The following ANO6 variants were observed in gnomAD, a reference collection of about 807,000 sequenced individuals.
The protein encoded by ANO6 is anoctamin 6, also known as anoctamin-6.
In ANO6, 106 loss-of-function variants were observed where a neutral mutation model predicts 117.5. The observed-to-expected ratio is 0.90, with a 90% CI of 0.77 to 1.06. The LOEUF is 1.06. Ranked by LOEUF, ANO6 falls within the 50% of genes least tolerant of loss-of-function variation. ANO6 has a pLI of 0.00. For missense variants in ANO6, 955 were observed against 1,121.1 expected (o/e 0.85, Z 2.12); for synonymous variants, 367 against 385.1 (o/e 0.95, Z 0.55).
chr12:45,256,552 T>A (rs1026827235), intron 1 of ANO6: 6 of 152,182 alleles, frequency 3.9e-5, no homozygotes, highest in African/African-American at 1.4e-4. Flanking sequence ...AAACTTCATA[T>A]GCAAATTTAA....
At chr12:45,230,515 A>G (rs1947558919) in intron 1 of ANO6, among the ~76,000 whole-genome samples, 2 of 151,024 alleles carry the variant, frequency 1.3e-5, no homozygotes, top group African/African-American at 4.8e-5. Flanking sequence ...GGTTCCTTGC[A>G]TGGTCATTGT....
chr12:45,431,972 T>TATC lies in ANO6; in HGVS notation c.*2664_*2666dup, dbSNP rs1565780263. On this transcript the variant is annotated 3_prime_UTR_variant, in exon 20 of 20. Coordinates refer to ENST00000320560, the MANE Select transcript of ANO6 (RefSeq NM_001025356.3). Reference sequence around the variant, plus strand: ...CTATATATCATTAGAAAGGGAAAGCTATCATTTTTATTTTAAAACTAAACA... The same window carrying TATC: ...CTATATATCATTAGAAAGGGAAAGCTATCATCATTTTTATTTTAAAACTAAACA... The TATC allele has an allele frequency of 5.1e-6, 5 of 985,280 alleles. No homozygotes were observed. The highest frequency in any genetic ancestry group is 4.8e-6 in the Non-Finnish European group (4 of 829,866). The allele number at this position is 985,280 out of a possible 1,614,324, so 61.0% of individuals were successfully genotyped here.
chr12:45,370,140 C>G (rs1359452286), intron 9 of ANO6, among the ~76,000 whole-genome samples: 1 of 152,242 alleles, frequency 6.6e-6, no homozygotes, highest in East Asian at 1.9e-4. Context: ...GCCATCCCAC[C>G]TAGCAAGCTA....
intron 1 of ANO6, among the ~76,000 whole-genome samples, chr12:45,259,227 A>G (rs933377378): frequency 9.2e-5 from 14 of 152,242 alleles, no homozygotes; most frequent in Admixed American, 2.0e-4. Flanking sequence ...TGCTTGGCAC[A>G]TAGTACAAGC....
At chr12:45,317,127 ATATATT>A (rs1193732045) in intron 2 of ANO6, among the ~76,000 whole-genome samples, 6 of 102,682 alleles carry the variant, frequency 5.8e-5, no homozygotes, top group African/African-American at 1.2e-4. Context: ...ATATATATAT[ATATATT>A]TATTATACTT....
chr12:45,417,763 G>A (rs776896592), intron 17 of ANO6, among the ~76,000 whole-genome samples: 22 of 152,130 alleles, frequency 1.4e-4, no homozygotes, highest in Non-Finnish European at 3.1e-4. Flanking sequence ...CCCCAGTTTT[G>A]TTTTCTTAAG....
At chr12:45,387,229 A>AT (rs1470455693) in intron 10 of ANO6, among the ~76,000 whole-genome samples, 2 of 152,242 alleles carry the variant, frequency 1.3e-5, no homozygotes, top group African/African-American at 2.4e-5. Flanking sequence ...CATTTTTTCA[A>AT]TTAACATTTA....
intron 1 of ANO6, among the ~76,000 whole-genome samples, chr12:45,297,273 A>G (rs1939325637): frequency 6.6e-6 from 1 of 152,164 alleles, no homozygotes; most frequent in East Asian, 1.9e-4. Context: ...GCTAGTGCTA[A>G]GTTGGATAAA....
intron 8 of ANO6, among the ~76,000 whole-genome samples, chr12:45,358,425 T>C (rs1322502113): frequency 1.3e-5 from 2 of 152,180 alleles, no homozygotes; most frequent in African/African-American, 4.8e-5. Flanking sequence ...TGTTACCTTT[T>C]CTCTAAATTT....
intron 1 of ANO6, among the ~76,000 whole-genome samples, chr12:45,220,071 C>A (rs1020515116): frequency 1.3e-5 from 2 of 152,148 alleles, no homozygotes; most frequent in African/African-American, 4.8e-5. Flanking sequence ...GCTATAGGAA[C>A]AGCTTTTGTA....
At chr12:45,403,288 C>G in intron 14 of ANO6, 47 bp downstream of exon 14, 2 of 1,590,214 alleles carry the variant, frequency 1.3e-6, no homozygotes, top group Non-Finnish European at 1.7e-6. Flanking sequence ...GCTGAGTTTT[C>G]TCTCAGTTGC....
intron 13 of ANO6, among the ~76,000 whole-genome samples, chr12:45,402,836 A>AG (rs897384852): frequency 6.6e-6 from 1 of 152,140 alleles, no homozygotes; most frequent in Admixed American, 6.6e-5. Flanking sequence ...TTTGTGGGGC[A>AG]GGGGGGAACA....
intron 16 of ANO6, 144 bp from the exon 17 acceptor site, chr12:45,416,555 T>C: frequency 1.3e-6 from 1 of 743,880 alleles, no homozygotes; most frequent in Non-Finnish European, 2.3e-6. Flanking sequence ...ATTCTTTCAC[T>C]GTTGAACACT....
rs573273738 is a variant in ANO6 at position 45,409,804 on chromosome 12, G to A, written c.2011+317G>A. Among the ~76,000 whole-genome samples the A allele has an allele frequency of 7.9e-5, 12 of 152,230 alleles. No homozygotes were observed. In the East Asian group the frequency reaches 2.1e-3, roughly 27 times the overall value. ...AGAGTCTCACTCTGTAGCCCAGGCT[G>A]GAGTGTGGTGGTACAATCGTGGCTC... On this transcript the variant is annotated intron_variant, in intron 16 of 19. Coordinates refer to ENST00000320560, the MANE Select transcript of ANO6 (RefSeq NM_001025356.3).
intron 9 of ANO6, among the ~76,000 whole-genome samples, chr12:45,373,859 A>T (rs1941920999): frequency 6.6e-6 from 1 of 152,176 alleles, no homozygotes; most frequent in South Asian, 2.1e-4. Flanking sequence ...AATAACTAAA[A>T]TCAGAGCAGA....
chr12:45,399,404 C>T (rs1291382939), intron 12 of ANO6, among the ~76,000 whole-genome samples: 1 of 152,068 alleles, frequency 6.6e-6, no homozygotes, highest in Admixed American at 6.5e-5. Flanking sequence ...CCATGTTGGC[C>T]AGGCTTGTCT....
At chr12:45,216,484 G>C (rs1285522735) in intron 1 of ANO6, 93 bp downstream of exon 1, 2 of 1,446,130 alleles carry the variant, frequency 1.4e-6, no homozygotes, top group African/African-American at 2.8e-5. Flanking sequence ...CTCTCCGCGG[G>C]GGAGGTTGGC....
chr12:45,430,755 GT>G lies in ANO6; in HGVS notation c.*1445del. ...CCCCTCACTTTTGCTCAGCCTAGCAGTCTACTTCACTTTATTGCCTTGTAAG... is the reference window on the plus strand; with the variant it reads ...CCCCTCACTTTTGCTCAGCCTAGCAGCTACTTCACTTTATTGCCTTGTAAG... On this transcript the variant is annotated 3_prime_UTR_variant, in exon 20 of 20. Transcript: ENST00000320560. The G allele has an allele frequency of 1.0e-6, 1 of 985,456 alleles. No individual in the cohort carries two copies. Among genetic ancestry groups the G allele is most frequent in the Non-Finnish European group, 1.2e-6 (1 of 829,970 alleles). The allele number at this position is 985,456 out of a possible 1,614,324, so 61.0% of individuals were successfully genotyped here.
chr12:45,294,144 AC>A (rs1320419838), intron 1 of ANO6, among the ~76,000 whole-genome samples: 1 of 152,176 alleles, frequency 6.6e-6, no homozygotes, highest in Non-Finnish European at 1.5e-5. Context: ...TTAGTGACTT[AC>A]CAAAATATTG....
Sources: allele counts gnomAD v4.1 joint callset (sites outside exome capture counted in the v4.1 genomes callset), GRCh38; gene constraint gnomAD v4.1.1; transcripts MANE v1.5; gene names NCBI Gene and HGNC (gene_info 2026-07-23, HGNC 2026-07-21).